Variants in ZC3H7B observed in about 807,000 individuals in gnomAD.
The protein encoded by ZC3H7B is zinc finger CCCH-type containing 7B.
A neutral mutation model predicts 116.0 loss-of-function variants in ZC3H7B; 35 were observed. That is an observed-to-expected ratio of 0.30 (90% CI 0.23 to 0.40). ZC3H7B has a LOEUF of 0.40. Among genes scored for constraint, ZC3H7B ranks in the 10% least tolerant of loss-of-function variants. The probability of loss-of-function intolerance (pLI) is 1.00; values close to 1 mark genes in which losing one functional copy is unlikely to be tolerated. For synonymous variants in ZC3H7B, 502 were observed against 545.6 expected, an observed-to-expected ratio of 0.92 and a Z score of 1.11; for missense variants, 1,011 against 1,321.5, an observed-to-expected ratio of 0.77 and a Z score of 3.64.
At chr22:41,320,049 G>A (rs1185633180) in intron 1 of ZC3H7B, among the ~76,000 whole-genome samples, 1 of 151,166 alleles carries the variant, frequency 6.6e-6, no homozygotes, top group Non-Finnish European at 1.5e-5. Context: ...AAAAAAATGG[G>A]GGGCCGGGCA....
chr22:41,358,423 T>A lies in ZC3H7B; in HGVS notation c.*994T>A, dbSNP rs1601801738. 1.3e-5 allele frequency: 2 copies of A among 152,004 alleles called. No homozygotes were observed. The highest frequency in any genetic ancestry group is 4.8e-5 in the African/African-American group (2 of 41,282). 9.4% of individuals were successfully genotyped at this position (152,004 alleles called of 1,614,324 possible). On this transcript the variant is annotated 3_prime_UTR_variant, in exon 23 of 23. Transcript: ENST00000352645. ...GTCCCTTTGGGTGCAGCAGCAGAGG[T>A]CACCTCCTGACATGCGCTCTGGGAA... is the stretch of plus-strand genomic sequence containing the variant.
Position 41,357,868 on chromosome 22 carries a change from A to G in ZC3H7B, c.*439A>G. 1 of 222,630 alleles carries G rather than the reference A, an allele frequency of 4.5e-6. No homozygotes were observed. 13.8% of individuals were successfully genotyped at this position (222,630 alleles called of 1,614,324 possible). A position where few individuals can be genotyped will look rare whatever the true frequency, so the allele number is the denominator to read the frequency against. On this transcript the variant is annotated 3_prime_UTR_variant, in exon 23 of 23. Transcript: ENST00000352645. The surrounding 1 kb of genome is among the most constrained non-coding windows in gnomAD (Gnocchi z 5.4). The stretch of plus-strand genomic sequence containing the variant: ...CCCCTCCCCCTGGGGGCAAATCAGG[A>G]CACAACAGAGGGCAGAGGCCCCATT...
rs1163061736 is a variant in ZC3H7B at position 41,327,668 on chromosome 22, A to T, written c.444+304A>T. Among the ~76,000 whole-genome samples, 2 of 152,270 alleles carry T rather than the reference A, an allele frequency of 1.3e-5. No individual in the cohort carries two copies. The highest frequency in any genetic ancestry group is 2.9e-5 in the Non-Finnish European group (2 of 68,048). On this transcript the variant is annotated intron_variant, in intron 5 of 22. Transcript: ENST00000352645. The surrounding 1 kb of genome is among the most constrained non-coding windows in gnomAD (Gnocchi z 4.5). ...CCAGACACAGTGGCTCACGCCTGTA[A>T]TCTCAGCACTTTCGGAGGCTGAGGC...
Position 41,341,155 on chromosome 22 carries a change from C to G in ZC3H7B, c.1197+9C>G. ...AGAAACCAGCCCCCTCGGTGAGTGACTTGAGTGGGGATCCAGGCCTCTCAT... is the reference window on the plus strand; with the variant it reads ...AGAAACCAGCCCCCTCGGTGAGTGAGTTGAGTGGGGATCCAGGCCTCTCAT... On this transcript the variant is annotated intron_variant, in intron 11 of 22. Transcript: ENST00000352645. 1 of 1,613,942 alleles carries G rather than the reference C, an allele frequency of 6.2e-7. No individual in the cohort carries two copies. The highest frequency in any genetic ancestry group is 8.5e-7 in the Non-Finnish European group (1 of 1,179,878).
chr22:41,316,542 C>T (rs2145904921), intron 1 of ZC3H7B, among the ~76,000 whole-genome samples: 1 of 150,398 alleles, frequency 6.6e-6, no homozygotes, highest in Non-Finnish European at 1.5e-5. Context: ...GTGATCCACG[C>T]ACCTTGGCCT....
In ZC3H7B at chr22:41,325,851, A is replaced by G. The variant is rs1388958823; in HGVS notation, c.218A>G (p.Gln73Arg). ...GTGGCCGACTACGCTGCCTCTGACC[A>G]GGTGGCCCTGCCCCGGGAGCTGCTG... ...LNVADYAASD[Q>R]VALPRELLCK... Residue 73 changes from glutamine to arginine, a missense_variant, in exon 4 of 23, where the codon CAG becomes CGG. By Grantham distance (43) the Gln-to-Arg change is conservative. Transcript: ENST00000352645. 9 of 1,612,566 alleles carry G rather than the reference A, an allele frequency of 5.6e-6. No homozygotes were observed. The highest frequency in any genetic ancestry group is 1.7e-5 in the Admixed American group (1 of 59,884).
rs376010597 is a variant in ZC3H7B at position 41,325,321 on chromosome 22, A to G, written c.54-243A>G. ...CCAGGCTGGAGGTGGGGCTGGGGTC[A>G]GTCTGCTCTTTCTCAACACCTGTAC... On this transcript the variant is annotated intron_variant, in intron 2 of 22. Coordinates refer to ENST00000352645, the MANE Select transcript of ZC3H7B (RefSeq NM_017590.6). 4.6e-5 allele frequency among the ~76,000 whole-genome samples: 7 copies of G among 152,092 alleles called. No homozygotes were observed. In the East Asian group the frequency reaches 7.8e-4, roughly 17 times the overall value.
rs117893811 is a variant in ZC3H7B, at chr22:41,349,426, C to T, written c.1948+125C>T. ...GCCCCATGGTCGCTGGAGGGGGCTT[C>T]GGGAGAGTTCAGGAGAGGTGGCTGC... On this transcript the variant is annotated intron_variant, in intron 16 of 22. Coordinates refer to ENST00000352645, the MANE Select transcript of ZC3H7B (RefSeq NM_017590.6). This position sits in a 1 kb window ranked among gnomAD's most constrained non-coding sequence, Gnocchi z 4.9. The T allele has an allele frequency of 0.013, 17,021 of 1,300,368 alleles. 138 individuals are homozygous for T. The highest frequency in any genetic ancestry group is 0.016 in the Non-Finnish European group (15,590 of 950,456). The allele number at this position is 1,300,368 out of a possible 1,614,324, so 80.6% of individuals were successfully genotyped here. A position where few individuals can be genotyped will look rare whatever the true frequency, so the allele number is the denominator to read the frequency against.
Position 41,341,121 on chromosome 22 carries a change from G to A in ZC3H7B, c.1172G>A (p.Ser391Asn), listed in dbSNP as rs920608940. 1 of 1,613,860 alleles carries A rather than the reference G, an allele frequency of 6.2e-7. No homozygotes were observed. Among genetic ancestry groups the A allele is most frequent in the Non-Finnish European group, 8.5e-7 (1 of 1,179,924 alleles). Reference protein sequence around the residue: ...ETNSQDHRPPSGAQKPAPSPE... With the variant: ...ETNSQDHRPPNGAQKPAPSPE... Reference sequence around the variant, plus strand: ...AACTCACAGGACCACCGTCCCCCTAGCGGTGCTCAGAAACCAGCCCCCTCG... The same window carrying A: ...AACTCACAGGACCACCGTCCCCCTAACGGTGCTCAGAAACCAGCCCCCTCG... The change falls in exon 11 of 23, where the codon AGC becomes AAC. Residue 391 changes from serine to asparagine, a missense_variant. By Grantham distance (46) the Ser-to-Asn change is conservative (BLOSUM62 1). Coordinates refer to ENST00000352645, the MANE Select transcript of ZC3H7B (RefSeq NM_017590.6).
chr22:41,355,399 G>C (rs560011117), intron 17 of ZC3H7B, 70 bp from the exon 18 acceptor site: 2 of 1,587,600 alleles, frequency 1.3e-6, no homozygotes, highest in Middle Eastern at 3.5e-4. Flanking sequence ...GAGGACACCT[G>C]TGTGGAGACT....
chr22:41,357,477 G>T lies in ZC3H7B; in HGVS notation c.*48G>T, dbSNP rs1165203289. ...AAGTCCTGGGGTCAGGGGGTGGGGTGGGGCCAGAAGGCCTGATAGAAGGGT... is the reference window on the plus strand; with the variant it reads ...AAGTCCTGGGGTCAGGGGGTGGGGTTGGGCCAGAAGGCCTGATAGAAGGGT... On this transcript the variant is annotated 3_prime_UTR_variant, in exon 23 of 23. Transcript: ENST00000352645. This position sits in a 1 kb window ranked among gnomAD's most constrained non-coding sequence, Gnocchi z 5.4. The T allele has an allele frequency of 6.3e-7, 1 of 1,588,764 alleles. No homozygotes were observed. The highest frequency in any genetic ancestry group is 1.1e-5 in the South Asian group (1 of 89,312).
At chr22:41,324,025 G>T (rs1024575949) in intron 2 of ZC3H7B, among the ~76,000 whole-genome samples, 1 of 152,010 alleles carries the variant, frequency 6.6e-6, no homozygotes. Flanking sequence ...AGCCGAGATT[G>T]GGCCACTGCA....
In ZC3H7B at chr22:41,357,462, G is replaced by T. The variant is rs533227866; in HGVS notation, c.*33G>T. The stretch of plus-strand genomic sequence containing the variant: ...TGTTGGCCGTGGGTGAAGTCCTGGG[G>T]TCAGGGGGTGGGGTGGGGCCAGAAG... On this transcript the variant is annotated 3_prime_UTR_variant, in exon 23 of 23. Transcript: ENST00000352645. The surrounding 1 kb of genome is among the most constrained non-coding windows in gnomAD (Gnocchi z 5.4). The T allele has an allele frequency of 2.8e-5, 43 of 1,545,596 alleles. No individual in the cohort carries two copies. In the East Asian group the frequency reaches 1.0e-3, roughly 36 times the overall value.
rs974790281 is a variant in ZC3H7B, at chr22:41,302,409, G to T, written c.-7+637G>T. On this transcript the variant is annotated intron_variant, in intron 1 of 22. Coordinates refer to ENST00000352645, the MANE Select transcript of ZC3H7B (RefSeq NM_017590.6). The surrounding 1 kb of genome is among the most constrained non-coding windows in gnomAD (Gnocchi z 5.7). ...GGGGGGCGCGGTCTGGGCCTGCTGG[G>T]CAGGGGGGCGTTTCCGGTCGCAGGA... Among the ~76,000 whole-genome samples, 1 of 152,104 alleles carries T rather than the reference G, an allele frequency of 6.6e-6. No individual in the cohort carries two copies. The highest frequency in any genetic ancestry group is 2.4e-5 in the African/African-American group (1 of 41,442).
chr22:41,306,467 G>A (rs1299913949), intron 1 of ZC3H7B, among the ~76,000 whole-genome samples: 3 of 149,536 alleles, frequency 2.0e-5, no homozygotes, highest in Non-Finnish European at 3.0e-5. Context: ...TCCGCCTCCC[G>A]GGTTCAAGTG....
chr22:41,341,198 G>A (rs1310155709), intron 11 of ZC3H7B, 52 bp downstream of exon 11: 6 of 1,608,220 alleles, frequency 3.7e-6, no homozygotes. Flanking sequence ...TGGGGGTTGT[G>A]GGTTCTAGAG....
Position 41,354,724 on chromosome 22 carries a change from T to C in ZC3H7B, c.2035-745T>C, listed in dbSNP as rs573166261. Reference sequence around the variant, plus strand: ...GGAGACAAGGCAGAGTGAGCATTTTTCCTACCTCTGGCCCCCAACCCTGTC... The same window carrying C: ...GGAGACAAGGCAGAGTGAGCATTTTCCCTACCTCTGGCCCCCAACCCTGTC... On this transcript the variant is annotated intron_variant, in intron 17 of 22. Transcript: ENST00000352645. Among the ~76,000 whole-genome samples, 10 of 152,286 alleles carry C rather than the reference T, an allele frequency of 6.6e-5. No homozygotes were observed. In the South Asian group the frequency reaches 2.1e-3, roughly 32 times the overall value.
chr22:41,324,385 C>T (rs1406355763), intron 2 of ZC3H7B, among the ~76,000 whole-genome samples: 1 of 152,232 alleles, frequency 6.6e-6, no homozygotes, highest in Non-Finnish European at 1.5e-5. Flanking sequence ...CCACTCTTTC[C>T]TGCCCAGGTG....
rs1268876333 is a variant in ZC3H7B at position 41,330,041 on chromosome 22, C to T, written c.463C>T (p.Leu155Phe). Reference sequence around the variant, plus strand: ...TCTGCAGGATGAAAGCGTGACTCAGCTTGGTCAGGAGCTGGCCCAGAAACT... The same window carrying T: ...TCTGCAGGATGAAAGCGTGACTCAGTTTGGTCAGGAGCTGGCCCAGAAACT... ...ALPHDESVTQ[L>F]GQELAQKLGL... is the part of the protein sequence containing the mutation. Residue 155 changes from leucine (L) to phenylalanine (F), a missense_variant, in exon 6 of 23, where the codon CTT (leucine) becomes TTT (phenylalanine). Transcript: ENST00000352645. The T allele has an allele frequency of 5.0e-6, 8 of 1,613,880 alleles. No homozygotes were observed. The highest frequency in any genetic ancestry group is 1.7e-5 in the Admixed American group (1 of 60,022).
Sources: allele counts gnomAD v4.1 joint callset (sites outside exome capture counted in the v4.1 genomes callset), GRCh38; gene constraint gnomAD v4.1.1; non-coding constraint Gnocchi (gnomAD v3.1); transcripts MANE v1.5; gene names NCBI Gene and HGNC (gene_info 2026-07-23, HGNC 2026-07-21).